Variants in CLIP1 observed in about 807,000 individuals in gnomAD.
CLIP1 encodes CAP-Gly domain containing linker protein 1.
Under a neutral mutation model 161.6 loss-of-function variants are expected in CLIP1, and 66 were observed. That is an observed-to-expected ratio of 0.41 (90% confidence interval 0.33 to 0.50). The LOEUF (loss-of-function observed/expected upper bound fraction) is 0.50, where lower values mean the gene tolerates loss of function less well. CLIP1 is among the 20% of genes least tolerant of loss of function. CLIP1 has a pLI of 0.27. For synonymous variants in CLIP1, 598 were observed against 626.2 expected (o/e 0.96, Z 0.67); for missense variants, 1,376 against 1,702.0 (o/e 0.81, Z 3.37).
At chr12:122,390,867 T>C (rs1360100163) in intron 1 of CLIP1, among the ~76,000 whole-genome samples, 1 of 151,992 alleles carries the variant, frequency 6.6e-6, no homozygotes, top group Non-Finnish European at 1.5e-5. Flanking sequence ...AGCTACTGCT[T>C]TGCTTGTACT....
chr12:122,418,212 C>T (rs2137230070), intron 1 of CLIP1, among the ~76,000 whole-genome samples: 1 of 152,188 alleles, frequency 6.6e-6, no homozygotes, highest in Admixed American at 6.6e-5. Flanking sequence ...TAGAACAGCA[C>T]CTGGCACACG....
At chr12:122,406,342 C>T (rs1195390675) in intron 1 of CLIP1, among the ~76,000 whole-genome samples, 2 of 152,042 alleles carry the variant, frequency 1.3e-5, no homozygotes, top group Non-Finnish European at 2.9e-5. Flanking sequence ...CAGAGTGAGA[C>T]CTTGTCTCAA....
At chr12:122,390,292 A>ATGTATATATG (rs1381096414) in intron 1 of CLIP1, among the ~76,000 whole-genome samples, 9 of 132,832 alleles carry the variant, frequency 6.8e-5, no homozygotes, top group African/African-American at 2.0e-4. Context: ...ATATATATAT[A>ATGTATATATG]TATATATATA....
At chr12:122,331,735 C>T (rs1291608913) in intron 15 of CLIP1, among the ~76,000 whole-genome samples, 2 of 152,148 alleles carry the variant, frequency 1.3e-5, no homozygotes, top group African/African-American at 4.8e-5. Flanking sequence ...TGACTCATGC[C>T]TGTAATTCCA....
Position 122,355,604 on chromosome 12 carries a change from T to A in CLIP1, c.1006-292A>T. 1 of 314,262 alleles carries A rather than the reference T, an allele frequency of 3.2e-6. No homozygotes were observed. Among genetic ancestry groups the A allele is most frequent in the Non-Finnish European group, 5.9e-6 (1 of 168,730 alleles). The allele number at this position is 314,262 out of a possible 1,614,324, so 19.5% of individuals were successfully genotyped here. ...CGGGTGGATCACTTGAGGCCAGGAGTTTGAGACCTGGCCAAGATGATGAGA... is the reference window on the plus strand; with the variant it reads ...CGGGTGGATCACTTGAGGCCAGGAGATTGAGACCTGGCCAAGATGATGAGA... On this transcript the variant is annotated intron_variant, in intron 5 of 25. Transcript: ENST00000620786. The surrounding 1 kb of genome is among the most constrained non-coding windows in gnomAD (Gnocchi z 4.1).
chr12:122,322,809 C>T (rs1041769038), intron 17 of CLIP1: 2 of 152,628 alleles, frequency 1.3e-5, no homozygotes, highest in Non-Finnish European at 2.9e-5. Context: ...AGGTTCAAGC[C>T]ATCTCTCAGC....
In CLIP1 at chr12:122,333,127, A is replaced by G. The variant is rs1952062143; in HGVS notation, c.2727T>C (p.Phe909=). The change falls in exon 15 of 26, where the codon TTT becomes TTC. Residue 909 remains phenylalanine (F), a synonymous_variant. Transcript: ENST00000620786. ...RENLADMEAK[F]REKDEREEQL... is the part of the protein sequence containing the mutation. ...GCTCTTCTCTCTCATCTTTCTCTCT[A>G]AATTTTGCCTCCATATCTAAATATA... The G allele has an allele frequency of 6.2e-7, 1 of 1,612,382 alleles. No individual in the cohort carries two copies. The highest frequency in any genetic ancestry group is 8.5e-7 in the Non-Finnish European group (1 of 1,179,436).
chr12:122,307,253 C>T (rs777122798), intron 20 of CLIP1, among the ~76,000 whole-genome samples: 5 of 152,118 alleles, frequency 3.3e-5, no homozygotes, highest in Admixed American at 6.6e-5. Flanking sequence ...ATGATCCACC[C>T]GCCTCGGCCT....
At chr12:122,406,309 G>A (rs960096891) in intron 1 of CLIP1, among the ~76,000 whole-genome samples, 6 of 152,126 alleles carry the variant, frequency 3.9e-5, no homozygotes, top group Non-Finnish European at 8.8e-5. Flanking sequence ...AGCCAGGCGT[G>A]GTGGTGCGTG....
At chr12:122,392,671 C>T (rs1262182108) in intron 1 of CLIP1, among the ~76,000 whole-genome samples, 1 of 152,198 alleles carries the variant, frequency 6.6e-6, no homozygotes, top group Non-Finnish European at 1.5e-5. Flanking sequence ...AGACACATCT[C>T]AGTAACTACC....
chr12:122,341,067 T>C lies in CLIP1; in HGVS notation c.2137A>G (p.Ile713Val). The C allele has an allele frequency of 6.2e-7, 1 of 1,614,142 alleles. No individual in the cohort carries two copies. Residue 713 changes from isoleucine to valine, a missense_variant, in exon 11 of 26, where the codon ATC (isoleucine) becomes GTC (valine). Around this residue, in one of 6 missense-constraint regions of CLIP1, gnomAD observed 948 missense variants for 1,134.8 expected, o/e 0.84. Coordinates refer to ENST00000620786, the MANE Select transcript of CLIP1 (RefSeq NM_001247997.2). ...TCTGCTTTGTCCAGTTTCGACCTGA[T>C]GGCTTCCAGACTGTTTTCCTTTTCT... ...IKEKENSLEA[I>V]RSKLDKAEDQ... is the part of the protein sequence containing the mutation.
At chr12:122,273,161 A>G (rs2136178275) in intron 25 of CLIP1, 61 bp from the exon 26 acceptor site, 1 of 1,442,318 alleles carries the variant, frequency 6.9e-7, no homozygotes, top group African/African-American at 1.4e-5. Context: ...AGACAAGAAC[A>G]CTTGCAAAAA....
intron 3 of CLIP1, among the ~76,000 whole-genome samples, chr12:122,371,396 C>T (rs1336365397): frequency 6.6e-6 from 1 of 152,154 alleles, no homozygotes; most frequent in Non-Finnish European, 1.5e-5. Context: ...AGGATATTGG[C>T]TCAGGTTTAG....
intron 19 of CLIP1, among the ~76,000 whole-genome samples, chr12:122,314,751 G>A (rs1170176871): frequency 6.6e-6 from 1 of 152,148 alleles, no homozygotes; most frequent in Non-Finnish European, 1.5e-5. Flanking sequence ...AATGACTCGT[G>A]TCACCAAGAA....
intron 1 of CLIP1, among the ~76,000 whole-genome samples, chr12:122,419,910 A>C (rs1956880058): frequency 8.2e-6 from 1 of 122,042 alleles, no homozygotes; most frequent in Non-Finnish European, 1.6e-5. Flanking sequence ...ACAGAGCGAG[A>C]TGCGAGACTC....
At chr12:122,300,455 GAT>G (rs762974906) in intron 20 of CLIP1, among the ~76,000 whole-genome samples, 1 of 152,112 alleles carries the variant, frequency 6.6e-6, no homozygotes, top group Non-Finnish European at 1.5e-5. Context: ...TTTACCACAA[GAT>G]ATATGTGATT....
At chr12:122,324,578 A>G (rs371857209) in intron 17 of CLIP1, among the ~76,000 whole-genome samples, 2 of 152,244 alleles carry the variant, frequency 1.3e-5, no homozygotes, top group African/African-American at 4.8e-5. Context: ...GTAGTTTTGC[A>G]AAGTGCTTCT....
chr12:122,347,679 G>A (rs996073174), intron 9 of CLIP1, among the ~76,000 whole-genome samples, 200 bp from the exon 10 acceptor site: 5 of 152,248 alleles, frequency 3.3e-5, no homozygotes, highest in African/African-American at 1.2e-4. Flanking sequence ...GGATGGTGGT[G>A]GGCAGGGGGC....
chr12:122,390,318 A>T (rs1955600309), intron 1 of CLIP1, among the ~76,000 whole-genome samples: 1 of 136,510 alleles, frequency 7.3e-6, no homozygotes. Flanking sequence ...ATATATATAT[A>T]TTATTTTTTT....
Sources: allele counts gnomAD v4.1 joint callset (sites outside exome capture counted in the v4.1 genomes callset), GRCh38; gene constraint gnomAD v4.1.1; regional missense constraint gnomAD v4.1.1; non-coding constraint Gnocchi (gnomAD v3.1); transcripts MANE v1.5; gene names NCBI Gene and HGNC (gene_info 2026-07-23, HGNC 2026-07-21).